WNT3: variants seen among roughly 807,000 people sequenced by gnomAD.
WNT3 encodes proto-oncogene Wnt-3.
A neutral mutation model predicts 34.2 loss-of-function variants in WNT3; 7 were observed. The ratio of observed to expected loss-of-function variants is 0.20; its 90% CI spans 0.12 to 0.38. The LOEUF is 0.38. Ranked by LOEUF, WNT3 falls within the 10% of genes least tolerant of loss-of-function variation. The pLI is 1.00. For synonymous variants in WNT3, 212 were observed against 211.5 expected, an observed-to-expected ratio of 1.00 and a Z score of -0.02; for missense variants, 267 against 499.8, an observed-to-expected ratio of 0.53 and a Z score of 4.44.
At chr17:46,791,697 G>A (rs199494) in intron 1 of WNT3, among the ~76,000 whole-genome samples, 78,062 of 152,148 alleles carry the variant, frequency 0.51, 20,302 homozygotes, top group Non-Finnish European at 0.56. Context: ...ATTCATCACA[G>A]AAGTAGGAAG....
intron 1 of WNT3, among the ~76,000 whole-genome samples, chr17:46,775,584 G>C (rs999366283): frequency 8.6e-5 from 13 of 150,816 alleles, no homozygotes; most frequent in Non-Finnish European, 1.2e-4. Context: ...TTTTTCTAAA[G>C]AGAAAGAAGC....
At chr17:46,790,667 A>T (rs1190269628) in intron 1 of WNT3, among the ~76,000 whole-genome samples, 1 of 152,110 alleles carries the variant, frequency 6.6e-6, no homozygotes, top group Non-Finnish European at 1.5e-5. Context: ...CCTCTCCCGA[A>T]GTAGCCCTCC....
chr17:46,811,332 G>A (rs942464535), intron 1 of WNT3, among the ~76,000 whole-genome samples: 3 of 152,174 alleles, frequency 2.0e-5, no homozygotes, highest in Non-Finnish European at 4.4e-5. Flanking sequence ...AAACAGAATG[G>A]GGGCTCCTGT....
At chr17:46,792,217 G>C (rs753244642) in intron 1 of WNT3, among the ~76,000 whole-genome samples, 2 of 152,218 alleles carry the variant, frequency 1.3e-5, no homozygotes, top group African/African-American at 4.8e-5. Context: ...CTAAGAGAAG[G>C]CTCAAATCAC....
intron 4 of WNT3, among the ~76,000 whole-genome samples, chr17:46,766,063 A>G (rs2059310289): frequency 6.6e-6 from 1 of 152,186 alleles, no homozygotes; most frequent in South Asian, 2.1e-4. Flanking sequence ...GATTGAGGAA[A>G]AAAAACACTC....
At chr17:46,800,765 TGGA>T (rs2084114360) in intron 1 of WNT3, among the ~76,000 whole-genome samples, 1 of 152,152 alleles carries the variant, frequency 6.6e-6, no homozygotes, top group Non-Finnish European at 1.5e-5. Context: ...TGAAAGATGA[TGGA>T]GAACTGGTCC....
chr17:46,782,867 G>A (rs561793636), intron 1 of WNT3, among the ~76,000 whole-genome samples: 44 of 152,210 alleles, frequency 2.9e-4, no homozygotes, highest in Non-Finnish European at 6.0e-4. Flanking sequence ...TGCACCCTGC[G>A]GGTACTGAGC....
At chr17:46,816,631 G>A (rs1350256324) in intron 1 of WNT3, among the ~76,000 whole-genome samples, 4 of 151,992 alleles carry the variant, frequency 2.6e-5, no homozygotes, top group Non-Finnish European at 2.9e-5. Flanking sequence ...TTTCCCCAGC[G>A]TTTCTTCCTA....
intron 1 of WNT3, among the ~76,000 whole-genome samples, chr17:46,787,098 CTGCTAAGTTT>C (rs2059513049): frequency 6.6e-6 from 1 of 152,156 alleles, no homozygotes; most frequent in South Asian, 2.1e-4. Context: ...CCACTATGCT[CTGCTAAGTTT>C]TTAAAATTTT....
Position 46,768,678 on chromosome 17 carries a change from T to C in WNT3, c.710A>G (p.Lys237Arg). Residue 237 changes from lysine to arginine, a missense_variant, in exon 4 of 5, where the codon AAG becomes AGG. Around this residue, in one of 3 missense-constraint regions of WNT3, gnomAD observed 181 missense variants for 391.3 expected, o/e 0.46. Coordinates refer to ENST00000225512, the MANE Select transcript of WNT3 (RefSeq NM_030753.5). The surrounding 1 kb of genome is among the most constrained non-coding windows in gnomAD (Gnocchi z 5.0). Reference sequence around the variant, plus strand: ...TACCATCTCCGAGGCGCTGTCATACTTGTCCTTGAGGAAGTCACCGATGGC... The same window carrying C: ...TACCATCTCCGAGGCGCTGTCATACCTGTCCTTGAGGAAGTCACCGATGGC... ...FRAIGDFLKD[K>R]YDSASEMVVE... is the part of the protein sequence containing the mutation. 6.2e-7 allele frequency: 1 copy of C among 1,614,156 alleles called. No homozygotes were observed. Among genetic ancestry groups the C allele is most frequent in the Non-Finnish European group, 8.5e-7 (1 of 1,180,032 alleles).
intron 1 of WNT3, among the ~76,000 whole-genome samples, chr17:46,777,205 G>A (rs1285767863): frequency 4.6e-5 from 7 of 151,826 alleles, no homozygotes; most frequent in African/African-American, 1.2e-4. Context: ...GCGAGACTTC[G>A]TCTCAAAAAA....
Position 46,773,649 on chromosome 17 carries a change from CT to C in WNT3, c.322+18del, listed in dbSNP as rs778923631. 520 of 1,542,322 alleles carry C rather than the reference CT, an allele frequency of 3.4e-4. 4 individuals carry two copies. In the African/African-American group the frequency reaches 6.2e-3, roughly 18 times the overall value. On this transcript the variant is annotated intron_variant, in intron 2 of 4. Transcript: ENST00000225512. ...CCCCCCACCCAGCCCCTCCCCCCCCCTCAGCCCCAAGGCAGTACCTTTGTCG... is the reference window on the plus strand; with the variant it reads ...CCCCCCACCCAGCCCCTCCCCCCCCCCAGCCCCAAGGCAGTACCTTTGTCG...
intron 2 of WNT3, among the ~76,000 whole-genome samples, chr17:46,771,726 C>T (rs2059373139): frequency 7.1e-6 from 1 of 141,330 alleles, no homozygotes; most frequent in East Asian, 2.1e-4. Flanking sequence ...CGGCGCCGGG[C>T]CGCGAAATCC....
intron 1 of WNT3, among the ~76,000 whole-genome samples, chr17:46,813,912 A>G (rs1428278659): frequency 6.6e-6 from 1 of 152,200 alleles, no homozygotes; most frequent in Non-Finnish European, 1.5e-5. Context: ...TGTCTGCCTC[A>G]GTTTCTCCAC....
In WNT3 at chr17:46,793,274, A is replaced by G. The variant is rs2084011062; in HGVS notation, c.81-19365T>C. ...GGGCAACAGAGTGAGACCCTGTCTA[A>G]AAAAAAAAAAAAAAAAAAAAAAAAA... On this transcript the variant is annotated intron_variant, in intron 1 of 4. Transcript: ENST00000225512. 8.3e-5 allele frequency among the ~76,000 whole-genome samples: 3 copies of G among 36,188 alleles called. No homozygotes were observed. The Admixed American group carries it at 9.9e-4, about 12-fold the overall frequency. 23.7% of individuals were successfully genotyped at this position (36,188 alleles called of 152,430 possible).
In WNT3 at chr17:46,779,103, A is replaced by ACACACACACACCCCCCC. The variant is rs749719578; in HGVS notation, c.81-5195_81-5194insGGGGGGGTGTGTGTGTG. Reference sequence around the variant, plus strand: ...CACACACACACACACACACACACACACCCCAGCCCACTCGGCCTTCCAAAG... The same window carrying ACACACACACACCCCCCC: ...CACACACACACACACACACACACACACACACACACACCCCCCCCCCCAGCCCACTCGGCCTTCCAAAG... On this transcript the variant is annotated intron_variant, in intron 1 of 4. Coordinates refer to ENST00000225512, the MANE Select transcript of WNT3 (RefSeq NM_030753.5). Among the ~76,000 whole-genome samples the ACACACACACACCCCCCC allele has an allele frequency of 1.6e-4, 21 of 133,648 alleles. 1 individual carries two copies. The highest frequency in any genetic ancestry group is 5.1e-4 in the East Asian group (2 of 3,900). The allele number at this position is 133,648 out of a possible 152,430, so 87.7% of individuals were successfully genotyped here.
intron 1 of WNT3, among the ~76,000 whole-genome samples, chr17:46,788,372 C>T (rs1009512588): frequency 3.1e-4 from 47 of 152,128 alleles, no homozygotes; most frequent in African/African-American, 1.0e-3. Context: ...GTTAGGCTGC[C>T]GTTCTGAGCA....
At chr17:46,794,570 C>A (rs2084028372) in intron 1 of WNT3, among the ~76,000 whole-genome samples, 1 of 152,206 alleles carries the variant, frequency 6.6e-6, no homozygotes, top group South Asian at 2.1e-4. Context: ...ACACACTGTA[C>A]CACCGTGGAG....
chr17:46,794,437 T>G (rs2146430209), intron 1 of WNT3, among the ~76,000 whole-genome samples: 1 of 152,244 alleles, frequency 6.6e-6, no homozygotes, highest in Non-Finnish European at 1.5e-5. Context: ...TTGGGGGTCA[T>G]CTGGTCCAGT....
Sources: allele counts gnomAD v4.1 joint callset (sites outside exome capture counted in the v4.1 genomes callset), GRCh38; gene constraint gnomAD v4.1.1; regional missense constraint gnomAD v4.1.1; non-coding constraint Gnocchi (gnomAD v3.1); transcripts MANE v1.5; gene names NCBI Gene and HGNC (gene_info 2026-07-23, HGNC 2026-07-21).